The following ARB2A variants were observed in gnomAD, a reference collection of about 807,000 sequenced individuals.
ARB2A encodes the protein ARB2 cotranscriptional regulator A, also known as cotranscriptional regulator ARB2A.
At chr5:94,086,113 T>G in the ARB2A span, among the ~76,000 whole-genome samples, 4 of 152,234 alleles carry the variant, frequency 2.6e-5, no homozygotes, top group Admixed American at 2.6e-4. Context: ...TTATAGGTGT[T>G]AATTATATTA....
the ARB2A span, among the ~76,000 whole-genome samples, chr5:94,099,206 A>G: frequency 3.9e-5 from 6 of 152,232 alleles, no homozygotes; most frequent in Admixed American, 2.6e-4. Flanking sequence ...ATCTTTGATG[A>G]ACATTGATGC....
the ARB2A span, among the ~76,000 whole-genome samples, chr5:94,003,342 A>C: frequency 6.6e-6 from 1 of 152,220 alleles, no homozygotes; most frequent in Non-Finnish European, 1.5e-5. Flanking sequence ...TAGTGGTAGA[A>C]GTTCTAGCCA....
the ARB2A span, among the ~76,000 whole-genome samples, chr5:93,819,676 T>A: frequency 1.2e-4 from 18 of 152,230 alleles, no homozygotes; most frequent in Admixed American, 1.2e-3. Flanking sequence ...AAGGTCACAG[T>A]TAGCTGATGT....
the ARB2A span, among the ~76,000 whole-genome samples, chr5:93,716,693 C>CAAAAAAAAAAAAAAAAA: frequency 2.7e-5 from 1 of 36,680 alleles, no homozygotes. Flanking sequence ...ATAAGCTGTG[C>CAAAAAAAAAAAAAAAAA]AAAAAAAAAA....
chr5:93,944,243 C>T, the ARB2A span, among the ~76,000 whole-genome samples: 8 of 152,084 alleles, frequency 5.3e-5, no homozygotes, highest in Admixed American at 1.3e-4. Context: ...AATTAAAATG[C>T]TACATTGAAT....
At chr5:93,630,045 TAAAG>T in the ARB2A span, among the ~76,000 whole-genome samples, 1 of 152,110 alleles carries the variant, frequency 6.6e-6, no homozygotes, top group African/African-American at 2.4e-5. Flanking sequence ...TAGAAAGCTA[TAAAG>T]AATCAGAGAA....
the ARB2A span, among the ~76,000 whole-genome samples, chr5:93,667,769 A>G: frequency 2.6e-5 from 4 of 152,208 alleles, no homozygotes; most frequent in Non-Finnish European, 4.4e-5. Context: ...ATGCATTTTT[A>G]AAAGTCAAGC....
the ARB2A span, among the ~76,000 whole-genome samples, chr5:93,851,003 A>AT: frequency 6.6e-6 from 1 of 151,796 alleles, no homozygotes; most frequent in Admixed American, 6.6e-5. Context: ...TCTTCTTTTT[A>AT]TTTTTTTCCC....
At chr5:93,741,309 A>G in the ARB2A span, 7 of 1,613,468 alleles carry the variant, frequency 4.3e-6, no homozygotes. Context: ...CTGCCTCACT[A>G]GCTCCAAGAC....
At chr5:93,866,513 A>G in the ARB2A span, among the ~76,000 whole-genome samples, 1 of 152,176 alleles carries the variant, frequency 6.6e-6, no homozygotes, top group Non-Finnish European at 1.5e-5. Flanking sequence ...ACTTCAGAAT[A>G]TGAATGGAGA....
the ARB2A span, among the ~76,000 whole-genome samples, chr5:93,908,627 TCACGTTAACTTTACTACACTCTATTCTA>T: frequency 1.3e-5 from 2 of 148,542 alleles, no homozygotes; most frequent in East Asian, 3.9e-4. Context: ...TAGATAATAC[TCACGTTAACTTTACTACACTCTATTCTA>T]TTAGAATGTA....
chr5:93,944,248 T>C, the ARB2A span, among the ~76,000 whole-genome samples: 12 of 152,272 alleles, frequency 7.9e-5, no homozygotes, highest in African/African-American at 2.4e-4. Context: ...AAATGCTACA[T>C]TGAATTATTT....
chr5:93,861,662 T>A, the ARB2A span: 3 of 152,254 alleles, frequency 2.0e-5, no homozygotes, highest in Non-Finnish European at 4.4e-5. Context: ...AACTGAACCA[T>A]AAACTTTATT....
At chr5:94,093,943 G>A in the ARB2A span, among the ~76,000 whole-genome samples, 1 of 152,122 alleles carries the variant, frequency 6.6e-6, no homozygotes, top group Non-Finnish European at 1.5e-5. Context: ...AAAGAAGGAA[G>A]AAAAGGGTGA....
chr5:93,744,263 C>T, the ARB2A span, among the ~76,000 whole-genome samples: 2 of 151,316 alleles, frequency 1.3e-5, no homozygotes, highest in East Asian at 2.0e-4. Flanking sequence ...GGTGAAACCC[C>T]GTCTCTACTA....
At chr5:93,633,462 C>T in the ARB2A span, among the ~76,000 whole-genome samples, 1 of 152,194 alleles carries the variant, frequency 6.6e-6, no homozygotes, top group Non-Finnish European at 1.5e-5. Flanking sequence ...GCCTTCTATT[C>T]TCTGGCTCCA....
At chr5:94,002,436 G>C in the ARB2A span, among the ~76,000 whole-genome samples, 1 of 152,002 alleles carries the variant, frequency 6.6e-6, no homozygotes, top group Admixed American at 6.6e-5. Context: ...TAAAGTCATC[G>C]ATTATAGTTC....
At chr5:93,894,853 C>T in the ARB2A span, among the ~76,000 whole-genome samples, 1 of 152,106 alleles carries the variant, frequency 6.6e-6, no homozygotes, top group African/African-American at 2.4e-5. Context: ...AATAAAGTGA[C>T]AGGTTAATTT....
the ARB2A span, among the ~76,000 whole-genome samples, chr5:93,695,065 A>G: frequency 2.0e-5 from 3 of 152,264 alleles, no homozygotes; most frequent in Admixed American, 6.5e-5. Flanking sequence ...CTTAAACATA[A>G]GACCTAAATC....
Sources: gnomAD v4.1 joint callset for allele counts (sites outside exome capture counted in the v4.1 genomes callset) on GRCh38, gnomAD v4.1.1 for gene constraint, MANE v1.5 for transcripts, NCBI Gene and HGNC (gene_info 2026-07-23, HGNC 2026-07-21) for gene names.